Variants in LRP1B observed in about 807,000 individuals in gnomAD.
LRP1B encodes the protein LDL receptor related protein 1B, also known as low-density lipoprotein receptor-related protein 1B.
LRP1B carries 217 observed loss-of-function variants against 556.6 expected under a neutral mutation model. That is an observed-to-expected ratio of 0.39 (90% CI 0.35 to 0.44). The LOEUF is 0.44. Among genes scored for constraint, LRP1B ranks in the 20% least tolerant of loss-of-function variants. LRP1B has a pLI of 1.00. For missense variants in LRP1B, 5,053 were observed against 5,620.8 expected, an observed-to-expected ratio of 0.90 and a Z score of 3.23; for synonymous variants, 2,047 against 1,865.8, an observed-to-expected ratio of 1.10 and a Z score of -2.50.
chr2:141,478,834 T>G (rs1215982111), intron 3 of LRP1B, among the ~76,000 whole-genome samples: 1 of 152,080 alleles, frequency 6.6e-6, no homozygotes, highest in African/African-American at 2.4e-5. Context: ...AGTGAGCCAC[T>G]GCACCCGGCC....
At chr2:141,259,836 G>A (rs1684619860) in intron 3 of LRP1B, among the ~76,000 whole-genome samples, 1 of 152,048 alleles carries the variant, frequency 6.6e-6, no homozygotes, top group South Asian at 2.1e-4. Flanking sequence ...CTTAAATGAG[G>A]TAAGTGATAC....
At chr2:142,024,077 G>C (rs1007156503) in intron 1 of LRP1B, among the ~76,000 whole-genome samples, 1 of 152,138 alleles carries the variant, frequency 6.6e-6, no homozygotes, top group African/African-American at 2.4e-5. Flanking sequence ...GAAAAATTGT[G>C]CATGCATGTT....
intron 1 of LRP1B, among the ~76,000 whole-genome samples, chr2:141,915,018 C>T (rs1558958433): frequency 6.6e-6 from 1 of 151,834 alleles, no homozygotes; most frequent in East Asian, 1.9e-4. Context: ...TCATATGGGA[C>T]AAAAAAAGAG....
intron 16 of LRP1B, among the ~76,000 whole-genome samples, chr2:140,991,186 C>A (rs996035439): frequency 6.6e-6 from 1 of 152,092 alleles, no homozygotes; most frequent in Non-Finnish European, 1.5e-5. Context: ...AGAGAGCCAA[C>A]AATTTAAAGT....
chr2:141,074,467 A>G (rs1699727736), intron 7 of LRP1B, among the ~76,000 whole-genome samples: 1 of 151,772 alleles, frequency 6.6e-6, no homozygotes, highest in Non-Finnish European at 1.5e-5. Flanking sequence ...TATGAAGCAG[A>G]CTACAACCTC....
In LRP1B at chr2:140,325,752, C is replaced by T. The variant is rs771926013; in HGVS notation, c.12340+10G>A. The T allele has an allele frequency of 1.3e-6, 2 of 1,575,274 alleles. No individual in the cohort carries two copies. Among genetic ancestry groups the T allele is most frequent in the Non-Finnish European group, 1.7e-6 (2 of 1,148,794 alleles). ...ACAATTAAAAATGAAGACAAAAGCA[C>T]TTCACAAACCTTGTTTGCTGCTGAC... On this transcript the variant is annotated intron_variant, in intron 80 of 90. Transcript: ENST00000389484.
At chr2:140,253,889 T>TG (rs1681562034) in intron 86 of LRP1B, among the ~76,000 whole-genome samples, 1 of 152,092 alleles carries the variant, frequency 6.6e-6, no homozygotes, top group Non-Finnish European at 1.5e-5. Flanking sequence ...GGAAGAAAAG[T>TG]GGAATGTGTG....
intron 3 of LRP1B, among the ~76,000 whole-genome samples, chr2:141,371,756 GA>G (rs1689237899): frequency 6.6e-6 from 1 of 152,090 alleles, no homozygotes; most frequent in South Asian, 2.1e-4. Context: ...TCACATCTAA[GA>G]TTTTTTTTGG....
chr2:141,838,666 T>C (rs76176618), intron 1 of LRP1B, among the ~76,000 whole-genome samples: 6 of 152,300 alleles, frequency 3.9e-5, no homozygotes, highest in East Asian at 1.9e-4. Context: ...AGCATTGATA[T>C]ACAAATTGCA....
chr2:141,609,454 G>C (rs1006430677), intron 2 of LRP1B, among the ~76,000 whole-genome samples: 1 of 152,092 alleles, frequency 6.6e-6, no homozygotes, highest in Non-Finnish European at 1.5e-5. Flanking sequence ...ACACTAATGT[G>C]CAATTACAAC....
At chr2:140,910,320 A>G (rs761424012) in intron 21 of LRP1B, among the ~76,000 whole-genome samples, 2 of 151,826 alleles carry the variant, frequency 1.3e-5, no homozygotes, top group Non-Finnish European at 3.0e-5. Flanking sequence ...AAAATTAATG[A>G]TGCAGTATCA....
At chr2:141,318,537 A>G (rs1687112987) in intron 3 of LRP1B, among the ~76,000 whole-genome samples, 1 of 152,130 alleles carries the variant, frequency 6.6e-6, no homozygotes, top group East Asian at 1.9e-4. Flanking sequence ...AGAAATCTTC[A>G]GTTATCTCTC....
At chr2:141,992,631 T>C (rs1702380127) in intron 1 of LRP1B, among the ~76,000 whole-genome samples, 1 of 152,170 alleles carries the variant, frequency 6.6e-6, no homozygotes, top group African/African-American at 2.4e-5. Flanking sequence ...CATTTGGTCA[T>C]AGACCTTTCT....
chr2:141,023,199 CT>C (rs1241216500), intron 11 of LRP1B, among the ~76,000 whole-genome samples: 1 of 151,748 alleles, frequency 6.6e-6, no homozygotes. Flanking sequence ...AACATGTTAT[CT>C]TTGTTCTAGT....
intron 25 of LRP1B, among the ~76,000 whole-genome samples, chr2:140,870,013 A>G (rs1442122749): frequency 1.3e-5 from 2 of 152,078 alleles, no homozygotes; most frequent in African/African-American, 4.8e-5. Flanking sequence ...CCCCAAACAC[A>G]AGGGAGGGAC....
chr2:141,511,116 G>C (rs1280107127), intron 2 of LRP1B, among the ~76,000 whole-genome samples: 1 of 152,108 alleles, frequency 6.6e-6, no homozygotes, highest in Non-Finnish European at 1.5e-5. Flanking sequence ...ACACAGCATA[G>C]AGCTGTCGTG....
At chr2:141,721,482 A>G (rs946681413) in intron 2 of LRP1B, among the ~76,000 whole-genome samples, 1 of 152,158 alleles carries the variant, frequency 6.6e-6, no homozygotes, top group African/African-American at 2.4e-5. Flanking sequence ...TGTACTCTAC[A>G]CAATATGTTG....
At chr2:141,337,436 T>C (rs1559014408) in intron 3 of LRP1B, among the ~76,000 whole-genome samples, 1 of 152,242 alleles carries the variant, frequency 6.6e-6, no homozygotes, top group East Asian at 1.9e-4. Flanking sequence ...GAGATGTCTT[T>C]ATATATTCTG....
intron 35 of LRP1B, among the ~76,000 whole-genome samples, chr2:140,748,092 AATATATAT>A (rs757456196): frequency 7.1e-3 from 49 of 6,942 alleles, no homozygotes; most frequent in Admixed American, 0.031. Context: ...AAGTCCTATG[AATATATAT>A]ATATATATAT....
Sources: allele counts gnomAD v4.1 joint callset (sites outside exome capture counted in the v4.1 genomes callset), GRCh38; gene constraint gnomAD v4.1.1; transcripts MANE v1.5; gene names NCBI Gene and HGNC (gene_info 2026-07-23, HGNC 2026-07-21).